Variants in TBC1D30 observed in about 807,000 individuals in gnomAD.
The protein encoded by TBC1D30 is TBC1 domain family member 30.
Under a neutral mutation model 63.2 loss-of-function variants are expected in TBC1D30, and 31 were observed. The observed-to-expected ratio is 0.49, with a 90% CI of 0.37 to 0.66. TBC1D30 has a LOEUF of 0.66. Ranked by LOEUF, TBC1D30 falls within the 30% of genes least tolerant of loss-of-function variation. The pLI is 0.00. For synonymous variants in TBC1D30, 307 were observed against 361.5 expected (o/e 0.85, Z 1.71); for missense variants, 810 against 953.6 (o/e 0.85, Z 1.98).
chr12:64,772,904 A>G (rs2136279813), intron 1 of TBC1D30, among the ~76,000 whole-genome samples: 1 of 152,350 alleles, frequency 6.6e-6, no homozygotes, highest in South Asian at 2.1e-4. Context: ...ACTATTGCAA[A>G]GGAAAGGTTA....
intron 1 of TBC1D30, among the ~76,000 whole-genome samples, chr12:64,760,829 CAA>C (rs35870571): frequency 7.0e-6 from 1 of 143,554 alleles, no homozygotes. Flanking sequence ...AGGGCTTATG[CAA>C]AAAAAAAAAA....
chr12:64,865,339 CT>C (rs1878122157), intron 9 of TBC1D30, among the ~76,000 whole-genome samples: 1 of 150,100 alleles, frequency 6.7e-6, no homozygotes, highest in African/African-American at 2.5e-5. Context: ...GGAAGAATTC[CT>C]TTAGTTCTTT....
chr12:64,779,903 C>T (rs578145346), upstream of TBC1D30, among the ~76,000 whole-genome samples: 18 of 152,250 alleles, frequency 1.2e-4, no homozygotes, highest in South Asian at 3.7e-3. Flanking sequence ...ATACAAAAAG[C>T]GCTAAACATG....
intron 3 of TBC1D30, among the ~76,000 whole-genome samples, chr12:64,829,277 C>A (rs747260480): frequency 6.6e-6 from 1 of 152,022 alleles, no homozygotes; most frequent in Non-Finnish European, 1.5e-5. Context: ...AGTAGGGAGA[C>A]CAGTAGGAGA....
intron 1 of TBC1D30, among the ~76,000 whole-genome samples, chr12:64,762,085 G>T (rs1264370845): frequency 6.6e-6 from 1 of 152,212 alleles, no homozygotes. Context: ...AGTCTAAGGT[G>T]CCCTGAGGAA....
chr12:64,831,608 A>G (rs1874870124), intron 4 of TBC1D30, among the ~76,000 whole-genome samples: 1 of 152,204 alleles, frequency 6.6e-6, no homozygotes, highest in Non-Finnish European at 1.5e-5. Context: ...TCTTATATAC[A>G]TTCATAAAAT....
At chr12:64,790,864 T>C (rs1295085642) in intron 2 of TBC1D30, among the ~76,000 whole-genome samples, 1 of 152,200 alleles carries the variant, frequency 6.6e-6, no homozygotes, top group Non-Finnish European at 1.5e-5. Flanking sequence ...CTCAACATTT[T>C]CCACTAAAAG....
chr12:64,851,095 T>G (rs561944175), intron 8 of TBC1D30, among the ~76,000 whole-genome samples: 1 of 152,350 alleles, frequency 6.6e-6, no homozygotes, highest in South Asian at 2.1e-4. Flanking sequence ...TAGTTTGTGT[T>G]TCTGCGGGAT....
intron 2 of TBC1D30, among the ~76,000 whole-genome samples, chr12:64,798,922 C>T (rs1872441338): frequency 6.6e-6 from 1 of 151,552 alleles, no homozygotes; most frequent in Middle Eastern, 3.2e-3. Context: ...ACGCCACTCT[C>T]CTGGCTCAGC....
At chr12:64,862,049 G>T (rs909566888) in intron 8 of TBC1D30, among the ~76,000 whole-genome samples, 1 of 152,178 alleles carries the variant, frequency 6.6e-6, no homozygotes, top group African/African-American at 2.4e-5. Flanking sequence ...TGTTGGAGAT[G>T]CTCTAGAAGG....
intron 2 of TBC1D30, among the ~76,000 whole-genome samples, chr12:64,814,023 G>A (rs17100696): frequency 0.03 from 4,545 of 152,172 alleles, 209 homozygotes; most frequent in African/African-American, 0.1. Flanking sequence ...GTGTGGAGAA[G>A]TGTACCATTT....
intron 1 of TBC1D30, among the ~76,000 whole-genome samples, chr12:64,759,807 T>C (rs1870429383): frequency 6.6e-6 from 1 of 152,204 alleles, no homozygotes; most frequent in Non-Finnish European, 1.5e-5. Context: ...AGGAGGACTG[T>C]ACATAACAGA....
intron 1 of TBC1D30, among the ~76,000 whole-genome samples, chr12:64,763,404 G>T (rs528750965): frequency 6.6e-6 from 1 of 152,106 alleles, no homozygotes; most frequent in Non-Finnish European, 1.5e-5. Context: ...AGATATAATT[G>T]ACAACAAAAT....
Position 64,834,698 on chromosome 12 carries a change from C to T in TBC1D30, c.595-1792C>T, listed in dbSNP as rs559357907. Among the ~76,000 whole-genome samples, 1,300 of 145,946 alleles carry T rather than the reference C, an allele frequency of 8.9e-3. 19 individuals carry two copies. Among genetic ancestry groups the T allele is most frequent in the African/African-American group, 0.031 (1,223 of 39,822 alleles). On this transcript the variant is annotated intron_variant, in intron 5 of 11. Transcript: ENST00000539867. ...TGCTGGGATTACAGGCATGAGCCAC[C>T]GTGCCGGGCTTTTTTTTTTTTTTTT...
intron 2 of TBC1D30, among the ~76,000 whole-genome samples, chr12:64,800,975 G>A (rs1872558698): frequency 6.6e-6 from 1 of 152,104 alleles, no homozygotes; most frequent in South Asian, 2.1e-4. Flanking sequence ...TTTTCTGGAG[G>A]TGAGACGGAT....
chr12:64,824,919 G>A lies in TBC1D30; in HGVS notation c.40G>A (p.Gly14Arg). ...DKLTGSLRRG[G>R]RCLKRQGGGV... The stretch of plus-strand genomic sequence containing the variant: ...GCTGACCGGGTCTCTGAGGCGCGGG[G>A]GGAGATGCCTGAAGCGGCAGGGCGG... The change falls in exon 1 of 12, where the codon GGG becomes AGG. Residue 14 changes from glycine to arginine, a missense_variant. By Grantham distance (125) the Gly-to-Arg change is moderately radical. This residue lies in a region of TBC1D30 where 272 missense variants were observed against 335.9 expected (regional missense o/e 0.81). Coordinates refer to ENST00000539867, the MANE Select transcript of TBC1D30 (RefSeq NM_015279.2). 6.5e-7 allele frequency: 1 copy of A among 1,534,612 alleles called. No individual in the cohort carries two copies. The highest frequency in any genetic ancestry group is 8.7e-7 in the Non-Finnish European group (1 of 1,146,580).
intron 8 of TBC1D30, among the ~76,000 whole-genome samples, chr12:64,845,192 C>T (rs1018376102): frequency 6.6e-6 from 1 of 152,100 alleles, no homozygotes; most frequent in Admixed American, 6.6e-5. Context: ...GAGGAACCTC[C>T]AACCTGTTTT....
chr12:64,789,153 A>G (rs145111101), intron 2 of TBC1D30, among the ~76,000 whole-genome samples: 10 of 149,514 alleles, frequency 6.7e-5, no homozygotes, highest in African/African-American at 2.2e-4. Context: ...TGCATAAGTG[A>G]CTTTTCCCCT....
intron 4 of TBC1D30, 147 bp downstream of exon 4, chr12:64,830,649 A>T: frequency 1.4e-6 from 1 of 730,646 alleles, no homozygotes; most frequent in South Asian, 3.8e-5. Flanking sequence ...TAGCTTTTTC[A>T]TGGGGAACCT....
Sources: gnomAD v4.1 joint callset for allele counts (sites outside exome capture counted in the v4.1 genomes callset) on GRCh38, gnomAD v4.1.1 for gene constraint, gnomAD v4.1.1 regional missense constraint, MANE v1.5 for transcripts, NCBI Gene and HGNC (gene_info 2026-07-23, HGNC 2026-07-21) for gene names.